The following CASC3 variants were observed in gnomAD, a reference collection of about 807,000 sequenced individuals.
CASC3 encodes the protein protein CASC3.
In CASC3, 30 loss-of-function variants were observed where a neutral mutation model predicts 80.5. That is an observed-to-expected ratio of 0.37 (90% CI 0.28 to 0.51). The LOEUF is 0.51. CASC3 is among the 20% of genes least tolerant of loss of function. CASC3 has a pLI of 0.94. For missense variants in CASC3, 824 were observed against 922.2 expected, an observed-to-expected ratio of 0.89 and a Z score of 1.38; for synonymous variants, 312 against 333.6, an observed-to-expected ratio of 0.94 and a Z score of 0.70.
At position 40,161,690 on chromosome 17, in the gene CASC3, G is replaced by A. The variant is rs560118226; in HGVS notation, c.298-63G>A. 5.6e-6 allele frequency: 8 copies of A among 1,432,506 alleles called. No homozygotes were observed. In the African/African-American group the frequency reaches 9.9e-5, roughly 18 times the overall value. The allele number at this position is 1,432,506 out of a possible 1,614,324, so 88.7% of individuals were successfully genotyped here. On this transcript the variant is annotated intron_variant, in intron 3 of 13. Coordinates refer to ENST00000264645, the MANE Select transcript of CASC3 (RefSeq NM_007359.5). ...ACTTTGTTTTGGGGTTGGGGGCAGG[G>A]GTGGGAATTAAAATGCACCGTTCAG...
chr17:40,169,544 G>T, intron 12 of CASC3, 54 bp from the exon 13 acceptor site: 1 of 1,580,874 alleles, frequency 6.3e-7, no homozygotes, highest in Non-Finnish European at 8.6e-7. Flanking sequence ...TGTTTCTCTG[G>T]AAAACAGTCT....
intron 3 of CASC3, among the ~76,000 whole-genome samples, chr17:40,152,102 C>G (rs552433235): frequency 8.5e-4 from 130 of 152,288 alleles, no homozygotes; most frequent in Non-Finnish European, 1.7e-3. Context: ...AAGAGCTACT[C>G]TCAGCACATT....
chr17:40,147,156 G>C (rs1373756063), intron 3 of CASC3, among the ~76,000 whole-genome samples: 1 of 152,156 alleles, frequency 6.6e-6, no homozygotes. Flanking sequence ...ATGAATTGTG[G>C]GTGAGGCACA....
intron 3 of CASC3, among the ~76,000 whole-genome samples, chr17:40,158,726 C>T (rs772517649): frequency 3.6e-4 from 55 of 152,150 alleles, no homozygotes; most frequent in Non-Finnish European, 5.9e-5. Flanking sequence ...AGAGAGAGCA[C>T]TTGGACTAAT....
chr17:40,156,604 G>A (rs559335718), intron 3 of CASC3, among the ~76,000 whole-genome samples: 28 of 151,572 alleles, frequency 1.8e-4, no homozygotes, highest in Admixed American at 1.7e-3. Context: ...CAGGAGAATG[G>A]CATGAACCCG....
At chr17:40,157,885 A>G (rs1271089352) in intron 3 of CASC3, among the ~76,000 whole-genome samples, 2 of 152,212 alleles carry the variant, frequency 1.3e-5, no homozygotes, top group Admixed American at 6.5e-5. Flanking sequence ...AGAAAATGTT[A>G]TTAAGAAATC....
chr17:40,157,716 C>T (rs1989188875), intron 3 of CASC3, among the ~76,000 whole-genome samples: 1 of 152,076 alleles, frequency 6.6e-6, no homozygotes, highest in African/African-American at 2.4e-5. Context: ...GGACACCTAT[C>T]CCTGTTGCAG....
intron 3 of CASC3, among the ~76,000 whole-genome samples, chr17:40,158,906 T>A (rs1230506573): frequency 6.6e-6 from 1 of 152,116 alleles, no homozygotes; most frequent in Admixed American, 6.6e-5. Flanking sequence ...AGCTTGAGGA[T>A]AAGTGCATTG....
In CASC3 at chr17:40,163,650, T is replaced by C; in HGVS notation, c.955T>C (p.Phe319Leu). 1.2e-6 allele frequency: 2 copies of C among 1,614,068 alleles called. No homozygotes were observed. The highest frequency in any genetic ancestry group is 1.1e-5 in the South Asian group (1 of 91,082). Residue 319 changes from phenylalanine (F) to leucine (L), a missense_variant, in exon 7 of 14, where the codon TTC (phenylalanine) becomes CTC (leucine). By Grantham distance (22) the Phe-to-Leu change is conservative (BLOSUM62 0). Around this residue, in one of 3 missense-constraint regions of CASC3, gnomAD observed 464 missense variants for 506.0 expected, o/e 0.92. Transcript: ENST00000264645. ...CAGGAATTATTCTCGATCTGGGGGCTTCAAGGAAGGTCGTGCTGGTTTTAG... is the reference window on the plus strand; with the variant it reads ...CAGGAATTATTCTCGATCTGGGGGCCTCAAGGAAGGTCGTGCTGGTTTTAG... ...APRNYSRSGG[F>L]KEGRAGFRPV...
chr17:40,143,480 A>G (rs1288635463), intron 3 of CASC3, among the ~76,000 whole-genome samples: 2 of 152,164 alleles, frequency 1.3e-5, no homozygotes, highest in African/African-American at 4.8e-5. Context: ...ACTAAGATCT[A>G]GAATTTCATA....
Position 40,170,568 on chromosome 17 carries a change from C to G in CASC3, c.*163C>G, listed in dbSNP as rs1989567992. 1.0e-6 allele frequency: 1 copy of G among 985,604 alleles called. No homozygotes were observed. Among genetic ancestry groups the G allele is most frequent in the African/African-American group, 1.7e-5 (1 of 57,354 alleles). 61.1% of individuals were successfully genotyped at this position (985,604 alleles called of 1,614,324 possible). A position where few individuals can be genotyped will look rare whatever the true frequency, so the allele number is the denominator to read the frequency against. Reference sequence around the variant, plus strand: ...CTGAAAGAGGAGGACCCCTGCCTTCCTCTGAGGACAGGCTCTAGAGAGAGG... The same window carrying G: ...CTGAAAGAGGAGGACCCCTGCCTTCGTCTGAGGACAGGCTCTAGAGAGAGG... On this transcript the variant is annotated 3_prime_UTR_variant, in exon 14 of 14. Transcript: ENST00000264645.
chr17:40,171,869 G>A lies in CASC3; in HGVS notation c.*1464G>A. ...GGTGTGGGATGGAGAGTGGGGAGAG[G>A]CACTTAATCTGTAACCCCCAAGGAG... On this transcript the variant is annotated 3_prime_UTR_variant, in exon 14 of 14. Transcript: ENST00000264645. 2 of 1,202,534 alleles carry A rather than the reference G, an allele frequency of 1.7e-6. No individual in the cohort carries two copies. Among genetic ancestry groups the A allele is most frequent in the Non-Finnish European group, 2.1e-6 (2 of 948,768 alleles). 74.5% of individuals were successfully genotyped at this position (1,202,534 alleles called of 1,614,324 possible).
intron 3 of CASC3, among the ~76,000 whole-genome samples, chr17:40,155,034 C>G (rs554260447): frequency 6.3e-4 from 96 of 151,932 alleles, no homozygotes; most frequent in Non-Finnish European, 8.8e-4. Flanking sequence ...GGACTACAGG[C>G]ACCCGCCACC....
chr17:40,150,349 G>A (rs1031375447), intron 3 of CASC3, among the ~76,000 whole-genome samples: 5 of 152,000 alleles, frequency 3.3e-5, no homozygotes, highest in Non-Finnish European at 5.9e-5. Flanking sequence ...TCCACCCTGG[G>A]TAACAGTGTG....
rs141557553 is a variant in CASC3, at chr17:40,169,368, C to T, written c.2010C>T (p.Ala670=). The T allele has an allele frequency of 2.5e-6, 4 of 1,613,144 alleles. No homozygotes were observed. In the African/African-American group the frequency reaches 5.3e-5, roughly 22 times the overall value. Residue 670 remains alanine (A), a synonymous_variant, in exon 12 of 14, where the codon GCC becomes GCT. Transcript: ENST00000264645. The stretch of plus-strand genomic sequence containing the variant: ...GAGGAGTGACCTACTATAACCCCGC[C>T]CAGCAGCAGGTGCAGCCAAAGCCCT... ...VYGGVTYYNP[A]QQQVQPKPSP...
chr17:40,165,602 A>G (rs1055425905), intron 7 of CASC3, among the ~76,000 whole-genome samples: 1 of 152,198 alleles, frequency 6.6e-6, no homozygotes, highest in Admixed American at 6.6e-5. Flanking sequence ...AAATTTATTC[A>G]GTTGAATTTT....
intron 3 of CASC3, among the ~76,000 whole-genome samples, chr17:40,149,927 AAAAAG>A (rs2145159191): frequency 6.6e-6 from 1 of 152,320 alleles, no homozygotes; most frequent in South Asian, 2.1e-4. Context: ...AAAAGGGAAA[AAAAAG>A]AGGGAATAGA....
intron 3 of CASC3, among the ~76,000 whole-genome samples, chr17:40,152,482 C>T (rs1444071235): frequency 1.3e-5 from 2 of 151,926 alleles, no homozygotes; most frequent in East Asian, 1.9e-4. Context: ...CCACCAAGCC[C>T]AGCTAGTTTT....
chr17:40,143,382 G>T (rs1988772984), intron 3 of CASC3, among the ~76,000 whole-genome samples: 2 of 152,122 alleles, frequency 1.3e-5, no homozygotes, highest in South Asian at 4.1e-4. Context: ...GGAGGTGGAG[G>T]TGGCAGTGAG....
Sources: allele counts gnomAD v4.1 joint callset (sites outside exome capture counted in the v4.1 genomes callset), GRCh38; gene constraint gnomAD v4.1.1; regional missense constraint gnomAD v4.1.1; transcripts MANE v1.5; gene names NCBI Gene and HGNC (gene_info 2026-07-23, HGNC 2026-07-21).